ANGPT2: variants seen among roughly 807,000 people sequenced by gnomAD.
ANGPT2 encodes angiopoietin-2.
In ANGPT2, 28 loss-of-function variants were observed where a neutral mutation model predicts 62.9. The ratio of observed to expected loss-of-function variants is 0.44; its 90% confidence interval spans 0.33 to 0.61. The LOEUF (loss-of-function observed/expected upper bound fraction) is 0.61, where lower values mean the gene tolerates loss of function less well. ANGPT2 is among the 20% of genes least tolerant of loss of function. ANGPT2 has a pLI of 0.03. For synonymous variants in ANGPT2, 284 were observed against 207.8 expected (o/e 1.37, Z -3.15); for missense variants, 727 against 594.9 (o/e 1.22, Z -2.31).
intron 3 of ANGPT2, 90 bp from the exon 4 acceptor site, chr8:6,521,500 T>G: frequency 1.0e-6 from 1 of 958,976 alleles, no homozygotes; most frequent in Middle Eastern, 3.3e-4. Flanking sequence ...AGGTACTCTG[T>G]TAAGATATTG....
At chr8:6,544,413 G>A (rs912837554) in intron 1 of ANGPT2, among the ~76,000 whole-genome samples, 1 of 152,194 alleles carries the variant, frequency 6.6e-6, no homozygotes, top group African/African-American at 2.4e-5. Flanking sequence ...GCAAATCACT[G>A]AACTTGTAAT....
In ANGPT2 at chr8:6,532,627, G is replaced by C. The variant is rs1316990058; in HGVS notation, c.289-140C>G. On this transcript the variant is annotated intron_variant, in intron 1 of 8. Coordinates refer to ENST00000629816, the MANE Select transcript of ANGPT2 (RefSeq NM_001118887.2). ...AGACTTGTACCTTGCCTTCCTTTTGGAATCTTACTATTTTTTTTTATCATT... is the reference window on the plus strand; with the variant it reads ...AGACTTGTACCTTGCCTTCCTTTTGCAATCTTACTATTTTTTTTTATCATT... The C allele has an allele frequency of 4.5e-6, 3 of 667,630 alleles. No homozygotes were observed. The East Asian group carries it at 9.7e-5, about 22-fold the overall frequency. 41.4% of individuals were successfully genotyped at this position (667,630 alleles called of 1,614,324 possible). A position where few individuals can be genotyped will look rare whatever the true frequency, so the allele number is the denominator to read the frequency against.
chr8:6,513,819 T>C lies in ANGPT2; in HGVS notation c.1055A>G (p.Tyr352Cys). The part of the protein sequence containing the change: ...KVGFGNPSGE[Y>C]WLGNEFVSQL... ...CGAAACAAACTCATTTCCCAGCCAA[T>C]ATTCTCCTGAAGGGTTACCAAATCC... The change falls in exon 7 of 9, where the codon TAT becomes TGT. Residue 352 changes from tyrosine to cysteine, a missense_variant. Tyr to Cys is a radical substitution (Grantham distance 194). Coordinates refer to ENST00000629816, the MANE Select transcript of ANGPT2 (RefSeq NM_001118887.2). 3 of 1,613,538 alleles carry C rather than the reference T, an allele frequency of 1.9e-6. No homozygotes were observed. The highest frequency in any genetic ancestry group is 2.5e-6 in the Non-Finnish European group (3 of 1,179,880).
intron 1 of ANGPT2, among the ~76,000 whole-genome samples, chr8:6,548,759 G>A (rs1317366338): frequency 1.3e-5 from 2 of 152,194 alleles, no homozygotes; most frequent in Non-Finnish European, 2.9e-5. Context: ...CTCTGATGAT[G>A]CTGGAAAAAA....
intron 1 of ANGPT2, among the ~76,000 whole-genome samples, chr8:6,549,979 G>T (rs1219436159): frequency 6.6e-6 from 1 of 152,272 alleles, no homozygotes; most frequent in Non-Finnish European, 1.5e-5. Flanking sequence ...TCCATGAAAA[G>T]GTTGGGGTTG....
chr8:6,556,925 A>G (rs1050358868), intron 1 of ANGPT2, among the ~76,000 whole-genome samples: 2 of 152,108 alleles, frequency 1.3e-5, no homozygotes, highest in African/African-American at 4.8e-5. Context: ...TCTTCTAGGC[A>G]CCTAGAACCA....
chr8:6,552,647 T>C (rs1483898783), intron 1 of ANGPT2, among the ~76,000 whole-genome samples: 1 of 152,162 alleles, frequency 6.6e-6, no homozygotes, highest in Non-Finnish European at 1.5e-5. Flanking sequence ...ATCTTACAGT[T>C]TCCAACACCC....
chr8:6,522,932 C>G (rs965640179), intron 3 of ANGPT2, among the ~76,000 whole-genome samples: 4 of 152,160 alleles, frequency 2.6e-5, no homozygotes, highest in South Asian at 2.1e-4. Flanking sequence ...TCTAAAAAAT[C>G]TAACCAGCGC....
chr8:6,524,130 A>G (rs1006500598), intron 3 of ANGPT2, among the ~76,000 whole-genome samples: 4 of 152,194 alleles, frequency 2.6e-5, no homozygotes, highest in Non-Finnish European at 4.4e-5. Flanking sequence ...TCCTTCCAAT[A>G]TAAAGTTTAG....
chr8:6,517,993 C>A (rs887324490), intron 5 of ANGPT2, among the ~76,000 whole-genome samples: 4 of 152,120 alleles, frequency 2.6e-5, no homozygotes, highest in African/African-American at 9.7e-5. Context: ...AATATAAATC[C>A]TAATGTTTCC....
chr8:6,507,669 C>G (rs1025553883), intron 8 of ANGPT2: 2 of 150,774 alleles, frequency 1.3e-5, no homozygotes, highest in African/African-American at 4.9e-5. Flanking sequence ...CTCTGCCTCC[C>G]AGGTTCAAGC....
At chr8:6,513,622 C>T (rs539251224) in intron 7 of ANGPT2, 56 bp downstream of exon 7, 21 of 1,521,040 alleles carry the variant, frequency 1.4e-5, no homozygotes, top group Middle Eastern at 1.9e-4. Flanking sequence ...CGTGAGCCAC[C>T]GTGCCCGGCC....
chr8:6,546,417 G>A (rs1822584649), intron 1 of ANGPT2, among the ~76,000 whole-genome samples: 1 of 152,234 alleles, frequency 6.6e-6, no homozygotes, highest in African/African-American at 2.4e-5. Flanking sequence ...TTAGCATAGA[G>A]CGTAAAATGC....
At chr8:6,546,154 A>T in intron 1 of ANGPT2, among the ~76,000 whole-genome samples, 1 of 152,224 alleles carries the variant, frequency 6.6e-6, no homozygotes, top group Non-Finnish European at 1.5e-5. Context: ...TGCTAGTGTG[A>T]AAATTAAGTG....
chr8:6,530,930 C>G (rs1349776772), intron 2 of ANGPT2, among the ~76,000 whole-genome samples: 2 of 152,192 alleles, frequency 1.3e-5, no homozygotes, highest in African/African-American at 4.8e-5. Context: ...TCTAGCATTT[C>G]TTGATCCTTT....
chr8:6,509,884 C>T (rs1006334728), intron 7 of ANGPT2, among the ~76,000 whole-genome samples: 1 of 152,188 alleles, frequency 6.6e-6, no homozygotes, highest in Non-Finnish European at 1.5e-5. Context: ...CTGGGGATCA[C>T]AGGACTGACT....
Position 6,508,945 on chromosome 8 carries a change from T to A in ANGPT2, c.1314A>T (p.Gln438His). The part of the protein sequence containing the change: ...DNDKCICKCS[Q>H]MLTGGWWFDA... Reference sequence around the variant, plus strand: ...AGTCATCCCTACCTCCTGTTAGCATTTGTGAACATTTGCAAATACATTTGT... The same window carrying A: ...AGTCATCCCTACCTCCTGTTAGCATATGTGAACATTTGCAAATACATTTGT... Residue 438 changes from glutamine (Q) to histidine (H), a missense_variant, in exon 8 of 9, where the codon CAA becomes CAT. Coordinates refer to ENST00000629816, the MANE Select transcript of ANGPT2 (RefSeq NM_001118887.2). The A allele has an allele frequency of 6.2e-7, 1 of 1,614,150 alleles. No homozygotes were observed. The highest frequency in any genetic ancestry group is 1.1e-5 in the South Asian group (1 of 91,078).
chr8:6,523,265 GGGATTACA>G (rs1817709637), intron 3 of ANGPT2, among the ~76,000 whole-genome samples: 1 of 152,114 alleles, frequency 6.6e-6, no homozygotes, highest in Non-Finnish European at 1.5e-5. Context: ...CCAAAGTGCT[GGGATTACA>G]GGCATGAGCC....
At chr8:6,506,813 A>T (rs1459443613) in intron 8 of ANGPT2, among the ~76,000 whole-genome samples, 7 of 151,066 alleles carry the variant, frequency 4.6e-5, no homozygotes, top group Admixed American at 6.6e-5. Flanking sequence ...TGATTCTTTC[A>T]GCATAAAAGG....
Sources: gnomAD v4.1 joint callset for allele counts (sites outside exome capture counted in the v4.1 genomes callset) on GRCh38, gnomAD v4.1.1 for gene constraint, MANE v1.5 for transcripts, NCBI Gene and HGNC (gene_info 2026-07-23, HGNC 2026-07-21) for gene names.